The following FAM228A variants were observed in gnomAD, a reference collection of about 807,000 sequenced individuals.
FAM228A encodes family with sequence similarity 228 member A, also known as protein FAM228A.
A neutral mutation model predicts 18.6 loss-of-function variants in FAM228A; 13 were observed. The ratio of observed to expected loss-of-function variants is 0.70; its 90% CI spans 0.45 to 1.11. FAM228A has a LOEUF of 1.11. Ranked by LOEUF, FAM228A falls within the 50% of genes least tolerant of loss-of-function variation. The pLI, the probability that FAM228A is intolerant of heterozygous loss-of-function variation, is 0.00. For synonymous variants in FAM228A, 77 were observed against 86.6 expected (o/e 0.89, Z 0.61); for missense variants, 240 against 242.2 (o/e 0.99, Z 0.06).
intron 5 of FAM228A, among the ~76,000 whole-genome samples, chr2:24,184,936 C>A (rs1005173380): frequency 2.0e-5 from 3 of 151,732 alleles, no homozygotes; most frequent in African/African-American, 7.3e-5. Context: ...GATTCTCCTG[C>A]CTCAGCCTCC....
intron 3 of FAM228A, among the ~76,000 whole-genome samples, chr2:24,181,971 G>C (rs1333467331): frequency 6.6e-6 from 1 of 152,160 alleles, no homozygotes; most frequent in Non-Finnish European, 1.5e-5. Flanking sequence ...CAAACTTGAA[G>C]CACAAGAAGG....
At chr2:24,176,292 A>T in intron 2 of FAM228A, 1 of 707,664 alleles carries the variant, frequency 1.4e-6, no homozygotes. Context: ...TTTTTATTGT[A>T]GTGTCAGGAT....
chr2:24,175,519 C>CA lies in FAM228A; in HGVS notation c.40dup (p.Arg14LysfsTer22). On this transcript the variant is annotated frameshift_variant, in exon 2 of 6. Coordinates refer to ENST00000295150, the MANE Select transcript of FAM228A (RefSeq NM_001040710.3). LOFTEE classifies it high-confidence loss of function. ...AAACTGCGAGTTATGATGAACATTT[C>CA]AGGCCAGAAAAGTTAAGAGAATGGC... 6.2e-7 allele frequency: 1 copy of CA among 1,614,218 alleles called. No homozygotes were observed. The highest frequency in any genetic ancestry group is 8.5e-7 in the Non-Finnish European group (1 of 1,180,030).
rs1017556289 is a variant in FAM228A, at chr2:24,176,259, CAAAT to C, written c.93+696_93+699del. 137 of 917,492 alleles carry C rather than the reference CAAAT, an allele frequency of 1.5e-4. No homozygotes were observed. The Middle Eastern group carries it at 1.7e-3, about 11-fold the overall frequency. The allele number at this position is 917,492 out of a possible 1,614,324, so 56.8% of individuals were successfully genotyped here. ...TGCTTGTCAATATGTTCTGCTTCTC[CAAAT>C]AAATAAATAGATTCTAAATTTTTAT... On this transcript the variant is annotated intron_variant, in intron 2 of 5. Transcript: ENST00000295150.
chr2:24,176,239 G>A (rs1667688904), intron 2 of FAM228A: 3 of 972,590 alleles, frequency 3.1e-6, no homozygotes, highest in Non-Finnish European at 3.7e-6. Flanking sequence ...CAAGATGCTT[G>A]TCAATATGTT....
intron 5 of FAM228A, among the ~76,000 whole-genome samples, chr2:24,185,323 A>C (rs1667922025): frequency 6.6e-6 from 1 of 152,114 alleles, no homozygotes; most frequent in Admixed American, 6.6e-5. Flanking sequence ...ATGTATACTT[A>C]ATTTCCAGGT....
chr2:24,175,396 C>A, intron 1 of FAM228A, 71 bp from the exon 2 acceptor site: 1 of 1,112,736 alleles, frequency 9.0e-7, no homozygotes, highest in Non-Finnish European at 1.4e-6. Context: ...TTGAACACTC[C>A]CTGAGCCCAA....
chr2:24,177,765 A>T, intron 2 of FAM228A, 37 bp from the exon 3 acceptor site: 1 of 1,217,958 alleles, frequency 8.2e-7, no homozygotes, highest in Non-Finnish European at 1.2e-6. Flanking sequence ...TTGTTTCTTC[A>T]GGATTCACAT....
chr2:24,184,172 G>A (rs1176229432), intron 5 of FAM228A, among the ~76,000 whole-genome samples: 1 of 152,146 alleles, frequency 6.6e-6, no homozygotes, highest in Non-Finnish European at 1.5e-5. Flanking sequence ...CTGAGGTCAG[G>A]AGTTTGAGAC....
chr2:24,184,789 C>T (rs1435380116), intron 5 of FAM228A, among the ~76,000 whole-genome samples: 1 of 149,450 alleles, frequency 6.7e-6, no homozygotes, highest in African/African-American at 2.5e-5. Context: ...GCTTTTTATA[C>T]ATTATTTTAA....
rs1668085364 is a variant in FAM228A, at chr2:24,191,523, A to G, written c.*892A>G. On this transcript the variant is annotated 3_prime_UTR_variant, in exon 6 of 6. Coordinates refer to ENST00000295150, the MANE Select transcript of FAM228A (RefSeq NM_001040710.3). ...AGCTCCTCATTCCATGTATTTTTCA[A>G]ATATTCAAGATGTACAACGTGATGA... 4 of 981,456 alleles carry G rather than the reference A, an allele frequency of 4.1e-6. No individual in the cohort carries two copies. The South Asian group carries it at 1.4e-4, about 35-fold the overall frequency. The allele number at this position is 981,456 out of a possible 1,614,324, so 60.8% of individuals were successfully genotyped here.
intron 2 of FAM228A, chr2:24,175,943 A>C: frequency 3.0e-6 from 3 of 1,015,844 alleles, no homozygotes; most frequent in Non-Finnish European, 2.4e-6. Context: ...GCTGTGAAAA[A>C]CTCTTGGAAA....
intron 3 of FAM228A, 152 bp from the exon 4 acceptor site, chr2:24,183,133 C>G (rs760974258): frequency 6.5e-6 from 4 of 614,636 alleles, no homozygotes; most frequent in Non-Finnish European, 1.2e-5. Context: ...AAGCAGAGTC[C>G]CGAATAGGTC....
chr2:24,186,588 A>G (rs985396740), intron 5 of FAM228A, among the ~76,000 whole-genome samples: 2 of 151,914 alleles, frequency 1.3e-5, no homozygotes, highest in Non-Finnish European at 2.9e-5. Context: ...ATTTTTATGC[A>G]TTTATTGATA....
intron 5 of FAM228A, 57 bp downstream of exon 5, chr2:24,183,702 T>C: frequency 6.9e-7 from 1 of 1,454,582 alleles, no homozygotes; most frequent in South Asian, 1.3e-5. Context: ...CTTTATTTCC[T>C]ACTGAAGCTC....
At chr2:24,183,225 A>G in intron 3 of FAM228A, 60 bp from the exon 4 acceptor site, 1 of 1,225,464 alleles carries the variant, frequency 8.2e-7, no homozygotes, top group Non-Finnish European at 1.2e-6. Flanking sequence ...TGTGGGACAC[A>G]TTTTAAAAGC....
Position 24,189,118 on chromosome 2 carries a change from G to A in FAM228A, c.402-1294G>A, listed in dbSNP as rs374305139. ...GCGTCATCTCCCCTCTGGCTCCTCCGCTGGTATTCTTCCTTCAGGCTGGTC... is the reference window on the plus strand; with the variant it reads ...GCGTCATCTCCCCTCTGGCTCCTCCACTGGTATTCTTCCTTCAGGCTGGTC... On this transcript the variant is annotated intron_variant, in intron 5 of 5. Coordinates refer to ENST00000295150, the MANE Select transcript of FAM228A (RefSeq NM_001040710.3). 4.6e-5 allele frequency among the ~76,000 whole-genome samples: 7 copies of A among 152,014 alleles called. No homozygotes were observed. In the East Asian group the frequency reaches 9.6e-4, roughly 21 times the overall value.
At position 24,183,601 on chromosome 2, in the gene FAM228A, G is replaced by T. The variant is rs755652116; in HGVS notation, c.357G>T (p.Trp119Cys). 3 of 1,613,008 alleles carry T rather than the reference G, an allele frequency of 1.9e-6. No homozygotes were observed. The East Asian group carries it at 6.7e-5, about 36-fold the overall frequency. The part of the protein sequence containing the change: ...FTSHCVIPKE[W>C]HKASARARSK... ...CACACTGTGTGATTCCAAAAGAGTG[G>T]CATAAAGCCTCTGCAAGAGCCAGGA... The change falls in exon 5 of 6, where the codon TGG becomes TGT. Residue 119 changes from tryptophan to cysteine, a missense_variant. Transcript: ENST00000295150.
chr2:24,183,595 A>G lies in FAM228A; in HGVS notation c.351A>G (p.Lys117=). 1 of 1,614,002 alleles carries G rather than the reference A, an allele frequency of 6.2e-7. No homozygotes were observed. Among genetic ancestry groups the G allele is most frequent in the Non-Finnish European group, 8.5e-7 (1 of 1,179,888 alleles). The change falls in exon 5 of 6, where the codon AAA becomes AAG. Residue 117 remains lysine (K), a synonymous_variant. Coordinates refer to ENST00000295150, the MANE Select transcript of FAM228A (RefSeq NM_001040710.3). The part of the protein sequence containing the change: ...FTFTSHCVIP[K]EWHKASARAR... Reference sequence around the variant, plus strand: ...TCACTTCACACTGTGTGATTCCAAAAGAGTGGCATAAAGCCTCTGCAAGAG... The same window carrying G: ...TCACTTCACACTGTGTGATTCCAAAGGAGTGGCATAAAGCCTCTGCAAGAG...
Sources: allele counts gnomAD v4.1 joint callset (sites outside exome capture counted in the v4.1 genomes callset), GRCh38; gene constraint gnomAD v4.1.1; transcripts MANE v1.5; gene names NCBI Gene and HGNC (gene_info 2026-07-23, HGNC 2026-07-21).